Variants in NUMB observed in about 807,000 individuals in gnomAD.
NUMB encodes the protein NUMB endocytic adaptor protein, also known as protein numb homolog.
In NUMB, 29 loss-of-function variants were observed where a neutral mutation model predicts 59.7. That is an observed-to-expected ratio of 0.49 (90% CI 0.36 to 0.66). NUMB has a LOEUF of 0.66. Ranked by LOEUF, NUMB falls within the 30% of genes least tolerant of loss-of-function variation. The pLI is 0.00. For missense variants in NUMB, 723 were observed against 822.0 expected, an observed-to-expected ratio of 0.88 and a Z score of 1.47; for synonymous variants, 288 against 288.2, an observed-to-expected ratio of 1.00 and a Z score of 0.01.
intron 8 of NUMB, among the ~76,000 whole-genome samples, chr14:73,289,081 C>T (rs759820673): frequency 6.6e-6 from 1 of 152,076 alleles, no homozygotes; most frequent in Admixed American, 6.6e-5. Flanking sequence ...GCTGTCTCCC[C>T]TTTCTGAATC....
intron 2 of NUMB, among the ~76,000 whole-genome samples, chr14:73,397,151 A>C (rs1444709346): frequency 6.6e-6 from 1 of 151,988 alleles, no homozygotes; most frequent in Non-Finnish European, 1.5e-5. Context: ...AAAACAAAAC[A>C]AAATAACCAC....
rs983426782 is a variant in NUMB, at chr14:73,426,875, A to G, written c.-232-16807T>C. Among the ~76,000 whole-genome samples, 8 of 151,872 alleles carry G rather than the reference A, an allele frequency of 5.3e-5. 1 individual carries two copies. In the South Asian group the frequency reaches 1.0e-3, roughly 20 times the overall value. On this transcript the variant is annotated intron_variant, in intron 1 of 12. Coordinates refer to ENST00000555238, the MANE Select transcript of NUMB (RefSeq NM_001005743.2). ...ACAACAACAAAAAAATTAGCCAGGC[A>G]TGGTGGCACATGCCTATAAGTCCCA...
chr14:73,377,170 T>C (rs1894990521), intron 2 of NUMB, among the ~76,000 whole-genome samples: 1 of 151,988 alleles, frequency 6.6e-6, no homozygotes, highest in East Asian at 1.9e-4. Flanking sequence ...TGACTTTGGG[T>C]AAGGCAATGA....
chr14:73,278,271 C>T (rs908706406), intron 12 of NUMB, among the ~76,000 whole-genome samples: 6 of 152,032 alleles, frequency 3.9e-5, no homozygotes, highest in Non-Finnish European at 5.9e-5. Flanking sequence ...CCTGTAATCC[C>T]GGCACTTTTG....
At chr14:73,346,370 C>T (rs1198279331) in intron 4 of NUMB, among the ~76,000 whole-genome samples, 2 of 151,682 alleles carry the variant, frequency 1.3e-5, no homozygotes, top group African/African-American at 4.8e-5. Context: ...ATCCCAACTA[C>T]TCGGGAGGCT....
chr14:73,320,421 C>A (rs1044888117), intron 5 of NUMB, among the ~76,000 whole-genome samples: 1 of 152,120 alleles, frequency 6.6e-6, no homozygotes, highest in African/African-American at 2.4e-5. Context: ...TTTATAGAGA[C>A]AGGGTCTCAC....
intron 4 of NUMB, among the ~76,000 whole-genome samples, chr14:73,350,891 C>G (rs1893214136): frequency 6.6e-6 from 1 of 152,128 alleles, no homozygotes; most frequent in African/African-American, 2.4e-5. Flanking sequence ...CAGTCACCAC[C>G]CTAGTCTAAC....
intron 1 of NUMB, among the ~76,000 whole-genome samples, chr14:73,414,332 GA>G (rs1377133571): frequency 6.6e-6 from 1 of 152,096 alleles, no homozygotes; most frequent in African/African-American, 2.4e-5. Flanking sequence ...GGTCTTAAAG[GA>G]AAAACTAGTT....
At chr14:73,398,415 A>AGTGTGT (rs57407662) in intron 2 of NUMB, among the ~76,000 whole-genome samples, 160 of 118,874 alleles carry the variant, frequency 1.3e-3, no homozygotes, top group South Asian at 6.6e-3. Flanking sequence ...AGAGAGAGAG[A>AGTGTGT]GTGTGTGTGT....
chr14:73,361,117 T>C (rs896746394), intron 3 of NUMB, among the ~76,000 whole-genome samples: 2 of 152,150 alleles, frequency 1.3e-5, no homozygotes, highest in African/African-American at 4.8e-5. Context: ...TTTGAACTCC[T>C]GAGCTCAAGC....
intron 9 of NUMB, chr14:73,286,084 G>C (rs368369400): frequency 8.6e-5 from 13 of 151,530 alleles, no homozygotes; most frequent in African/African-American, 3.2e-4. Context: ...GAGTGCAGTG[G>C]TATGATCACA....
chr14:73,413,681 C>A (rs905622681), intron 1 of NUMB, among the ~76,000 whole-genome samples: 1 of 151,852 alleles, frequency 6.6e-6, no homozygotes, highest in Non-Finnish European at 1.5e-5. Context: ...TCGCTTGAAC[C>A]CAGGAGGTGG....
At chr14:73,425,973 TA>T (rs1315801913) in intron 1 of NUMB, among the ~76,000 whole-genome samples, 1 of 152,016 alleles carries the variant, frequency 6.6e-6, no homozygotes, top group African/African-American at 2.4e-5. Context: ...CAAGCCCAGC[TA>T]ATTTTTTGTA....
At chr14:73,360,937 T>G (rs1023782653) in intron 3 of NUMB, among the ~76,000 whole-genome samples, 2 of 152,132 alleles carry the variant, frequency 1.3e-5, no homozygotes, top group African/African-American at 4.8e-5. Flanking sequence ...TCACCCAGGC[T>G]GGAGTGCAGC....
intron 1 of NUMB, among the ~76,000 whole-genome samples, chr14:73,420,427 G>A (rs1355774935): frequency 6.6e-6 from 1 of 152,056 alleles, no homozygotes; most frequent in Admixed American, 6.6e-5. Flanking sequence ...CATGTATAAG[G>A]GTGACTATTG....
chr14:73,422,559 T>C (rs1897394974), intron 1 of NUMB, among the ~76,000 whole-genome samples: 1 of 152,146 alleles, frequency 6.6e-6, no homozygotes. Flanking sequence ...GGCTCATGGT[T>C]CTGCAGGATA....
intron 1 of NUMB, among the ~76,000 whole-genome samples, chr14:73,436,672 T>C (rs1461721438): frequency 6.6e-6 from 1 of 152,014 alleles, no homozygotes; most frequent in East Asian, 1.9e-4. Flanking sequence ...CAGGGTTTTA[T>C]TAAATGACAC....
At chr14:73,410,973 A>T (rs1896868244) in intron 1 of NUMB, among the ~76,000 whole-genome samples, 1 of 152,236 alleles carries the variant, frequency 6.6e-6, no homozygotes, top group Non-Finnish European at 1.5e-5. Context: ...TAAATGGGTT[A>T]AGTCTTCTAA....
chr14:73,416,046 T>A (rs991741639), intron 1 of NUMB, among the ~76,000 whole-genome samples: 1 of 152,200 alleles, frequency 6.6e-6, no homozygotes, highest in African/African-American at 2.4e-5. Flanking sequence ...TGCCAAATTT[T>A]CCCCTATAGA....
Sources: gnomAD v4.1 joint callset for allele counts (sites outside exome capture counted in the v4.1 genomes callset) on GRCh38, gnomAD v4.1.1 for gene constraint, MANE v1.5 for transcripts, NCBI Gene and HGNC (gene_info 2026-07-23, HGNC 2026-07-21) for gene names.